MOB1B: variants seen among roughly 807,000 people sequenced by gnomAD.
The protein encoded by MOB1B is MOB kinase activator 1B.
In MOB1B, 19 loss-of-function variants were observed where a neutral mutation model predicts 24.4. The observed-to-expected ratio is 0.78, with a 90% CI of 0.54 to 1.14. MOB1B has a LOEUF of 1.14. MOB1B is among the 50% of genes most tolerant of loss of function. The probability of loss-of-function intolerance (pLI) is 0.00; values close to 1 mark genes in which losing one functional copy is unlikely to be tolerated. For synonymous variants in MOB1B, 76 were observed against 82.1 expected, an observed-to-expected ratio of 0.93 and a Z score of 0.40; for missense variants, 243 against 259.6, an observed-to-expected ratio of 0.94 and a Z score of 0.44.
intron 2 of MOB1B, among the ~76,000 whole-genome samples, chr4:70,969,167 C>T (rs142658166): frequency 1.3e-4 from 20 of 152,150 alleles, no homozygotes; most frequent in Middle Eastern, 3.4e-3. Context: ...AGACATATTC[C>T]GTCACGCAGG....
At chr4:70,927,946 T>C (rs1736718461) in intron 1 of MOB1B, among the ~76,000 whole-genome samples, 1 of 152,180 alleles carries the variant, frequency 6.6e-6, no homozygotes, top group Admixed American at 6.5e-5. Context: ...GTGATTTTAT[T>C]TGCATTTCTC....
At chr4:70,954,152 A>C (rs561081205) in intron 1 of MOB1B, among the ~76,000 whole-genome samples, 1 of 152,280 alleles carries the variant, frequency 6.6e-6, no homozygotes, top group Non-Finnish European at 1.5e-5. Flanking sequence ...CTTTTCCCCC[A>C]TTCAGTCTTG....
intron 3 of MOB1B, among the ~76,000 whole-genome samples, chr4:70,972,894 CCCCCGA>C (rs1738818847): frequency 6.6e-6 from 1 of 152,090 alleles, no homozygotes; most frequent in Non-Finnish European, 1.5e-5. Context: ...CTGCCTCAGC[CCCCCGA>C]GTAGCTGGGA....
intron 1 of MOB1B, among the ~76,000 whole-genome samples, chr4:70,944,823 G>C (rs1168659953): frequency 6.6e-6 from 1 of 152,074 alleles, no homozygotes; most frequent in African/African-American, 2.4e-5. Context: ...TAAATGACCA[G>C]ATCTCGAGAA....
rs185217772 is a variant in MOB1B, at chr4:70,932,372, C to T, written c.15-26502C>T. ...AGCATTTCCAGTCTAGGTGATCCAA[C>T]AGCAAAAATCAAGGAATTTTTTTCT... On this transcript the variant is annotated intron_variant, in intron 1 of 5. Transcript: ENST00000309395. 5.9e-5 allele frequency among the ~76,000 whole-genome samples: 9 copies of T among 152,256 alleles called. 1 individual carries two copies. The highest frequency in any genetic ancestry group is 2.1e-4 in the South Asian group (1 of 4,830).
intron 2 of MOB1B, 152 bp from the exon 3 acceptor site, chr4:70,969,779 T>A (rs1302627059): frequency 5.7e-5 from 23 of 401,694 alleles, no homozygotes; most frequent in East Asian, 2.0e-4. Context: ...CACAAGCTCC[T>A]CATTTCAATG....
chr4:70,969,779 T>C, intron 2 of MOB1B, 152 bp from the exon 3 acceptor site: 2 of 401,866 alleles, frequency 5.0e-6, no homozygotes, highest in Non-Finnish European at 8.9e-6. Context: ...CACAAGCTCC[T>C]CATTTCAATG....
chr4:70,968,695 G>A (rs1319263313), intron 2 of MOB1B, among the ~76,000 whole-genome samples: 1 of 152,154 alleles, frequency 6.6e-6, no homozygotes, highest in East Asian at 1.9e-4. Context: ...GCTCATTATA[G>A]CCTCGAACTC....
At chr4:70,979,003 T>C in intron 4 of MOB1B, 125 bp from the exon 5 acceptor site, 1 of 753,122 alleles carries the variant, frequency 1.3e-6, no homozygotes, top group East Asian at 2.5e-5. Context: ...TGGGTATATG[T>C]ATAAATTCAT....
chr4:70,953,263 A>T (rs1302153306), intron 1 of MOB1B, among the ~76,000 whole-genome samples: 1 of 152,072 alleles, frequency 6.6e-6, no homozygotes, highest in African/African-American at 2.4e-5. Context: ...TTGACCTGCG[A>T]ATGAGGAGCA....
chr4:70,920,377 G>A (rs28885126), intron 1 of MOB1B, among the ~76,000 whole-genome samples: 4,420 of 151,930 alleles, frequency 0.029, 207 homozygotes, highest in African/African-American at 0.099. Context: ...GGCGTGCCCC[G>A]CCATGCCTGG....
chr4:70,945,143 C>T (rs567610399), intron 1 of MOB1B, among the ~76,000 whole-genome samples: 9 of 152,258 alleles, frequency 5.9e-5, no homozygotes, highest in African/African-American at 2.2e-4. Flanking sequence ...ATTATCTAGT[C>T]ATACATAGAT....
chr4:70,904,716 G>A (rs563472985), intron 1 of MOB1B, among the ~76,000 whole-genome samples: 31 of 147,180 alleles, frequency 2.1e-4, no homozygotes, highest in African/African-American at 6.3e-4. Context: ...ACGAGATCGC[G>A]CCACTGCACT....
At chr4:70,902,335 C>G, upstream of MOB1B, 2 of 660,154 alleles carry the variant, frequency 3.0e-6, no homozygotes, top group South Asian at 1.7e-5. Context: ...TGATTCAAGA[C>G]GAGCGCTACC....
intron 1 of MOB1B, among the ~76,000 whole-genome samples, chr4:70,943,685 T>G (rs1303783100): frequency 1.3e-5 from 2 of 152,172 alleles, no homozygotes; most frequent in African/African-American, 2.4e-5. Context: ...TAACGCACAC[T>G]TCTCATAGCT....
At chr4:70,970,072 G>A in intron 3 of MOB1B, 48 bp downstream of exon 3, 1 of 1,162,360 alleles carries the variant, frequency 8.6e-7, no homozygotes, top group Admixed American at 2.2e-5. Flanking sequence ...TTATTTTACG[G>A]TTCTTAAAGA....
intron 1 of MOB1B, among the ~76,000 whole-genome samples, chr4:70,913,213 T>C (rs1272582169): frequency 6.6e-6 from 1 of 152,220 alleles, no homozygotes; most frequent in Non-Finnish European, 1.5e-5. Context: ...GGCAGGAATA[T>C]CACAGAAGCC....
chr4:70,919,032 A>G (rs1485890455), intron 1 of MOB1B, among the ~76,000 whole-genome samples: 1 of 152,024 alleles, frequency 6.6e-6, no homozygotes, highest in Non-Finnish European at 1.5e-5. Flanking sequence ...ATTGGAAATC[A>G]TCATTCTCAG....
chr4:70,945,704 T>C (rs1004258426), intron 1 of MOB1B, among the ~76,000 whole-genome samples: 7 of 152,202 alleles, frequency 4.6e-5, no homozygotes, highest in Non-Finnish European at 1.5e-5. Context: ...TAGAAACATT[T>C]CTTATTTTTG....
Sources: gnomAD v4.1 joint callset for allele counts (sites outside exome capture counted in the v4.1 genomes callset) on GRCh38, gnomAD v4.1.1 for gene constraint, MANE v1.5 for transcripts, NCBI Gene and HGNC (gene_info 2026-07-23, HGNC 2026-07-21) for gene names.